CFAP54: variants seen among roughly 807,000 people sequenced by gnomAD.
CFAP54 encodes the protein cilia- and flagella-associated protein 54.
A neutral mutation model predicts 370.4 loss-of-function variants in CFAP54; 290 were observed. The ratio of observed to expected loss-of-function variants is 0.78; its 90% CI spans 0.71 to 0.86. The LOEUF is 0.86. Among genes scored for constraint, CFAP54 ranks in the 40% least tolerant of loss-of-function variants. The pLI, the probability that CFAP54 is intolerant of heterozygous loss-of-function variation, is 0.00. For missense variants in CFAP54, 3,399 were observed against 3,528.7 expected, an observed-to-expected ratio of 0.96 and a Z score of 0.93; for synonymous variants, 1,206 against 1,236.5, an observed-to-expected ratio of 0.98 and a Z score of 0.52.
intron 40 of CFAP54, among the ~76,000 whole-genome samples, chr12:96,681,658 T>TG (rs1285256283): frequency 6.6e-6 from 1 of 151,906 alleles, no homozygotes; most frequent in Non-Finnish European, 1.5e-5. Context: ...CTCTGCCTTC[T>TG]GGGTTCAAGC....
At chr12:96,591,362 G>GA (rs923415161) in intron 23 of CFAP54, among the ~76,000 whole-genome samples, 30 of 152,210 alleles carry the variant, frequency 2.0e-4, no homozygotes, top group African/African-American at 7.2e-4. Context: ...AAAAGAAAAT[G>GA]AAAAATCCTA....
At chr12:96,627,199 G>A (rs1956557812) in intron 30 of CFAP54, among the ~76,000 whole-genome samples, 2 of 152,174 alleles carry the variant, frequency 1.3e-5, no homozygotes, top group Middle Eastern at 3.2e-3. Flanking sequence ...TATTGAGTCA[G>A]GATGGATAAT....
At chr12:96,746,959 C>T (rs952137105) in intron 55 of CFAP54, among the ~76,000 whole-genome samples, 1 of 152,208 alleles carries the variant, frequency 6.6e-6, no homozygotes, top group African/African-American at 2.4e-5. Context: ...AACCCCAAGA[C>T]TGGGTGATGT....
chr12:96,814,914 C>T (rs952847123), intron 64 of CFAP54, among the ~76,000 whole-genome samples: 14 of 152,198 alleles, frequency 9.2e-5, no homozygotes, highest in Non-Finnish European at 1.9e-4. Context: ...GCTAGTATTC[C>T]GTGGTGTTAT....
At chr12:96,627,039 T>G in intron 30 of CFAP54, 100 bp downstream of exon 30, 9 of 797,190 alleles carry the variant, frequency 1.1e-5, no homozygotes, top group Non-Finnish European at 1.5e-5. Context: ...GAGAGTGGAG[T>G]ATATACAGTT....
chr12:96,534,000 G>GTTTT, intron 10 of CFAP54, 27 bp downstream of exon 10: 1 of 1,408,506 alleles, frequency 7.1e-7, no homozygotes, highest in Non-Finnish European at 9.4e-7. Flanking sequence ...TATCCTCCTG[G>GTTTT]TTTTTTTTTT....
intron 32 of CFAP54, among the ~76,000 whole-genome samples, chr12:96,643,664 AT>A (rs34478326): frequency 1.3e-4 from 20 of 152,026 alleles, no homozygotes; most frequent in Non-Finnish European, 2.2e-4. Context: ...ATTTGAGTAT[AT>A]TTTTTTCTGG....
chr12:96,799,589 T>G (rs75594851), intron 63 of CFAP54, among the ~76,000 whole-genome samples: 8,579 of 152,248 alleles, frequency 0.056, 398 homozygotes, highest in Non-Finnish European at 0.08. Context: ...TACTAACTCT[T>G]GGTCAATTAT....
chr12:96,493,581 G>C (rs1410743524), intron 1 of CFAP54, among the ~76,000 whole-genome samples: 5 of 152,298 alleles, frequency 3.3e-5, no homozygotes, highest in Non-Finnish European at 7.4e-5. Context: ...GCTGGATCAC[G>C]AGGTCAGGTA....
At chr12:96,849,292 A>G (rs1393519448) in intron 66 of CFAP54, among the ~76,000 whole-genome samples, 1 of 152,244 alleles carries the variant, frequency 6.6e-6, no homozygotes, top group Non-Finnish European at 1.5e-5. Flanking sequence ...GGTTTTTGAA[A>G]GGAGGCAAAG....
intron 65 of CFAP54, among the ~76,000 whole-genome samples, chr12:96,828,422 T>G (rs1009922171): frequency 6.6e-6 from 1 of 152,082 alleles, no homozygotes; most frequent in Non-Finnish European, 1.5e-5. Context: ...TTCTCCCACA[T>G]TGGCCTAATG....
rs76336646 is a variant in CFAP54 at position 96,623,530 on chromosome 12, G to T, written c.3772-237G>T. ...TAGGTGGAAGTTACTGGGAGAAAGG[G>T]AGAGAGAAAAGAAGCAGCATTTTGG... On this transcript the variant is annotated intron_variant, in intron 27 of 67. Transcript: ENST00000524981. 2.0e-5 allele frequency among the ~76,000 whole-genome samples: 3 copies of T among 152,274 alleles called. No individual in the cohort carries two copies. The East Asian group carries it at 5.8e-4, about 29-fold the overall frequency.
chr12:96,736,799 A>G (rs747581907), intron 50 of CFAP54, among the ~76,000 whole-genome samples: 10 of 152,216 alleles, frequency 6.6e-5, no homozygotes, highest in Non-Finnish European at 1.0e-4. Flanking sequence ...CAGTGACTAT[A>G]TAACAGCCAT....
At chr12:96,560,541 C>A (rs1256795892) in intron 17 of CFAP54, among the ~76,000 whole-genome samples, 3 of 152,026 alleles carry the variant, frequency 2.0e-5, no homozygotes, top group East Asian at 3.8e-4. Context: ...TTCTTTTTTT[C>A]TTTCATAACA....
At chr12:96,633,611 G>T (rs1274176567) in intron 32 of CFAP54, among the ~76,000 whole-genome samples, 1 of 152,148 alleles carries the variant, frequency 6.6e-6, no homozygotes, top group Non-Finnish European at 1.5e-5. Flanking sequence ...GTATCCACGA[G>T]TTCACTTATT....
intron 38 of CFAP54, among the ~76,000 whole-genome samples, chr12:96,663,608 C>T (rs1359768778): frequency 2.6e-5 from 4 of 152,214 alleles, no homozygotes; most frequent in Non-Finnish European, 5.9e-5. Context: ...ATTTGCCTAA[C>T]GTTCTTCCAG....
At chr12:96,547,866 A>G (rs760102488) in intron 14 of CFAP54, 36 bp from the exon 15 acceptor site, 68 of 1,107,386 alleles carry the variant, frequency 6.1e-5, no homozygotes, top group Non-Finnish European at 7.5e-5. Flanking sequence ...CTTCCCCTCC[A>G]TCCTTCATTC....
chr12:96,651,814 A>G lies in CFAP54; in HGVS notation c.5099A>G (p.Lys1700Arg). Residue 1700 changes from lysine (K) to arginine (R), a missense_variant and splice_region_variant, in exon 36 of 68, where the codon AAG becomes AGG. Physicochemically the swap from Lys to Arg is conservative, Grantham distance 26. Around this residue, in one of 3 missense-constraint regions of CFAP54, gnomAD observed 2,796 missense variants for 2,869.7 expected, o/e 0.97. Coordinates refer to ENST00000524981, the MANE Select transcript of CFAP54 (RefSeq NM_001306084.2). ...CAACTACAAAATACCAGTTCTATTA[A>G]GGTAAAGACACTTTGGTAATTATTT... ...LIQLQNTSSI[K>R]PIEDKGEFSV... The G allele has an allele frequency of 1.3e-6, 2 of 1,540,114 alleles. No individual in the cohort carries two copies. The highest frequency in any genetic ancestry group is 1.8e-6 in the Non-Finnish European group (2 of 1,114,856).
At chr12:96,705,143 A>G (rs984314033) in intron 47 of CFAP54, among the ~76,000 whole-genome samples, 1 of 152,212 alleles carries the variant, frequency 6.6e-6, no homozygotes, top group African/African-American at 2.4e-5. Context: ...AAAGGGGGCT[A>G]TGAATGGGGA....
Sources: gnomAD v4.1 joint callset for allele counts (sites outside exome capture counted in the v4.1 genomes callset) on GRCh38, gnomAD v4.1.1 for gene constraint, gnomAD v4.1.1 regional missense constraint, MANE v1.5 for transcripts, NCBI Gene and HGNC (gene_info 2026-07-23, HGNC 2026-07-21) for gene names.